The following DMD variants were observed in gnomAD, a reference collection of about 807,000 sequenced individuals.
DMD encodes mutant dystrophin.
Under a neutral mutation model 330.1 loss-of-function variants are expected in DMD, and 63 were observed. The ratio of observed to expected loss-of-function variants is 0.19; its 90% CI spans 0.16 to 0.24. The LOEUF (loss-of-function observed/expected upper bound fraction) is 0.24, where lower values mean the gene tolerates loss of function less well. DMD is among the 10% of genes least tolerant of loss of function. The pLI is 1.00. For missense variants in DMD, 3,344 were observed against 2,684.1 expected (o/e 1.25, Z -5.43); for synonymous variants, 1,223 against 959.8 (o/e 1.27, Z -5.07).
chrX:31,761,302 A>G (rs955988997), intron 51 of DMD, among the ~76,000 whole-genome samples: 1 of 111,127 alleles, frequency 9.0e-6, no homozygotes, highest in Non-Finnish European at 1.9e-5. Flanking sequence ...GGCAATATCT[A>G]CAAGTTTGGG....
chrX:31,595,812 T>C (rs1014231873), intron 55 of DMD, among the ~76,000 whole-genome samples: 1 of 109,505 alleles, frequency 9.1e-6, no homozygotes, highest in Admixed American at 9.8e-5. Flanking sequence ...GAGTTAACTG[T>C]GTAATAATTC....
At chrX:31,214,783 A>G (rs1602793624) in intron 64 of DMD, among the ~76,000 whole-genome samples, 1 of 110,166 alleles carries the variant, frequency 9.1e-6, no homozygotes, top group Non-Finnish European at 1.9e-5. Context: ...AAAATTGTTA[A>G]GTTGAAACTT....
At chrX:32,133,883 A>G (rs905764441) in intron 44 of DMD, among the ~76,000 whole-genome samples, 1 of 111,397 alleles carries the variant, frequency 9.0e-6, no homozygotes, top group African/African-American at 3.3e-5. Context: ...TCTCTCACTT[A>G]CTTCACTCTA....
At chrX:32,699,695 C>T (rs1358613707) in intron 7 of DMD, among the ~76,000 whole-genome samples, 1 of 111,487 alleles carries the variant, frequency 9.0e-6, no homozygotes. Context: ...AACAAATACA[C>T]AAAATGGTTT....
At chrX:32,266,268 G>T (rs2097344145) in intron 43 of DMD, among the ~76,000 whole-genome samples, 2 of 111,485 alleles carry the variant, frequency 1.8e-5, no homozygotes, top group South Asian at 7.5e-4. Context: ...GGATGTGATT[G>T]CTTCCCCTTC....
chrX:32,134,803 G>A (rs5972496), intron 44 of DMD, among the ~76,000 whole-genome samples: 7,070 of 111,486 alleles, frequency 0.063, 388 homozygotes, highest in African/African-American at 0.18. Flanking sequence ...AAGGCAAAAT[G>A]TTCAGAAAAT....
chrX:31,866,277 C>T (rs1159406180), intron 48 of DMD, among the ~76,000 whole-genome samples: 1 of 111,523 alleles, frequency 9.0e-6, no homozygotes, highest in Admixed American at 9.6e-5. Context: ...GTCTCTAAAG[C>T]GTTATGCTCC....
intron 1 of DMD, among the ~76,000 whole-genome samples, chrX:33,072,811 C>T (rs1267728254): frequency 2.7e-5 from 3 of 111,495 alleles, no homozygotes; most frequent in African/African-American, 9.8e-5. Context: ...TTATGTTACA[C>T]AGCTGTTTAT....
intron 1 of DMD, among the ~76,000 whole-genome samples, chrX:33,099,559 A>G (rs2095215600): frequency 1.8e-5 from 2 of 111,426 alleles, no homozygotes; most frequent in African/African-American, 6.5e-5. Flanking sequence ...GTCTGCTATT[A>G]ATTAAGGATT....
intron 43 of DMD, among the ~76,000 whole-genome samples, chrX:32,237,642 C>T (rs756870357): frequency 1.8e-5 from 2 of 111,841 alleles, no homozygotes; most frequent in East Asian, 5.6e-4. Flanking sequence ...ACGTGACTTC[C>T]TTTGGATGAT....
intron 7 of DMD, among the ~76,000 whole-genome samples, chrX:32,736,166 T>A (rs1194549563): frequency 8.9e-6 from 1 of 111,886 alleles, no homozygotes; most frequent in African/African-American, 3.3e-5. Context: ...CATGAAAAAA[T>A]GCTCATCATC....
intron 1 of DMD, among the ~76,000 whole-genome samples, chrX:33,315,957 C>G (rs1603430164): frequency 9.1e-6 from 1 of 110,424 alleles, no homozygotes; most frequent in East Asian, 2.9e-4. Context: ...TTTATTGAGT[C>G]AAGATTCAGT....
At chrX:31,248,437 T>C (rs913718956) in intron 63 of DMD, among the ~76,000 whole-genome samples, 1 of 112,264 alleles carries the variant, frequency 8.9e-6, no homozygotes, top group Non-Finnish European at 1.9e-5. Context: ...TTTGTTTTAA[T>C]TGCTACCTCC....
intron 6 of DMD, among the ~76,000 whole-genome samples, chrX:32,815,300 G>A (rs1364110519): frequency 7.0e-5 from 7 of 100,387 alleles, no homozygotes; most frequent in African/African-American, 2.7e-4. Context: ...AAATGGTAGA[G>A]TGGTCAAAAA....
At chrX:31,665,185 G>A (rs1235524397) in intron 53 of DMD, among the ~76,000 whole-genome samples, 1 of 111,481 alleles carries the variant, frequency 9.0e-6, no homozygotes, top group Non-Finnish European at 1.9e-5. Flanking sequence ...GAAATTTAAG[G>A]AAAAGGACTG....
chrX:32,449,967 T>G (rs989712496), intron 26 of DMD, among the ~76,000 whole-genome samples: 4 of 111,077 alleles, frequency 3.6e-5, no homozygotes, highest in Non-Finnish European at 7.6e-5. Flanking sequence ...TTAATCCTGT[T>G]AGAAAGCCCT....
At chrX:31,146,889 C>G (rs778866090) in intron 75 of DMD, among the ~76,000 whole-genome samples, 1 of 111,702 alleles carries the variant, frequency 9.0e-6, no homozygotes, top group East Asian at 2.8e-4. Flanking sequence ...GCTTAAAGAA[C>G]TATGTGTTAG....
chrX:33,169,466 C>A (rs1464705403), intron 1 of DMD, among the ~76,000 whole-genome samples: 1 of 111,271 alleles, frequency 9.0e-6, no homozygotes, highest in Non-Finnish European at 1.9e-5. Context: ...TCCCTTCCAG[C>A]CAATGACTTA....
chrX:32,634,186 TCAAGGGC>T (rs1234172730), intron 11 of DMD, among the ~76,000 whole-genome samples: 1 of 111,833 alleles, frequency 8.9e-6, no homozygotes. Flanking sequence ...CAATGTTCAC[TCAAGGGC>T]CAAGGCCACT....
Sources: allele counts gnomAD v4.1 joint callset (sites outside exome capture counted in the v4.1 genomes callset), GRCh38; gene constraint gnomAD v4.1.1; transcripts MANE v1.5; gene names NCBI Gene and HGNC (gene_info 2026-07-23, HGNC 2026-07-21).